The following KIAA1217 variants were observed in gnomAD, a reference collection of about 807,000 sequenced individuals.
The protein encoded by KIAA1217 is sickle tail protein homolog.
Under a neutral mutation model 163.9 loss-of-function variants are expected in KIAA1217, and 88 were observed. The observed-to-expected ratio is 0.54, with a 90% CI of 0.45 to 0.64. KIAA1217 has a LOEUF of 0.64. Among genes scored for constraint, KIAA1217 ranks in the 30% least tolerant of loss-of-function variants. KIAA1217 has a pLI of 0.00. For synonymous variants in KIAA1217, 903 were observed against 923.1 expected (o/e 0.98, Z 0.39); for missense variants, 2,372 against 2,475.0 (o/e 0.96, Z 0.88).
intron 2 of KIAA1217, among the ~76,000 whole-genome samples, chr10:24,328,666 C>T (rs1192838037): frequency 6.6e-6 from 1 of 152,036 alleles, no homozygotes; most frequent in African/African-American, 2.4e-5. Flanking sequence ...CTTTCCTCCT[C>T]TCCTTTTTAT....
chr10:24,170,506 G>C (rs1467344100), intron 2 of KIAA1217, among the ~76,000 whole-genome samples: 2 of 152,160 alleles, frequency 1.3e-5, no homozygotes, highest in Non-Finnish European at 2.9e-5. Flanking sequence ...TGCACTGTCT[G>C]AGGGGAGGCT....
At chr10:23,696,007 C>T (rs1006906875) in intron 1 of KIAA1217, among the ~76,000 whole-genome samples, 2 of 152,222 alleles carry the variant, frequency 1.3e-5, no homozygotes, top group Non-Finnish European at 2.9e-5. Flanking sequence ...GCTGCGGGTC[C>T]TCCGAGACCC....
intron 3 of KIAA1217, among the ~76,000 whole-genome samples, chr10:24,400,129 C>A (rs1278712497): frequency 6.6e-6 from 1 of 152,168 alleles, no homozygotes; most frequent in African/African-American, 2.4e-5. Flanking sequence ...ACTCTAATCA[C>A]ATCCCAGGAA....
At chr10:24,007,834 A>C (rs1013537483) in intron 2 of KIAA1217, among the ~76,000 whole-genome samples, 1 of 152,164 alleles carries the variant, frequency 6.6e-6, no homozygotes, top group East Asian at 1.9e-4. Flanking sequence ...GGGTCAGTCC[A>C]ATTATATGAT....
At chr10:24,240,037 G>A (rs1478848166) in intron 2 of KIAA1217, among the ~76,000 whole-genome samples, 1 of 152,154 alleles carries the variant, frequency 6.6e-6, no homozygotes, top group Non-Finnish European at 1.5e-5. Context: ...AGTTTTTAAA[G>A]CATGGTTTAA....
At chr10:24,276,863 C>T (rs1245529618) in intron 2 of KIAA1217, among the ~76,000 whole-genome samples, 2 of 151,964 alleles carry the variant, frequency 1.3e-5, no homozygotes, top group Non-Finnish European at 2.9e-5. Flanking sequence ...CCGCCTCAGC[C>T]TCTCAAAGTG....
chr10:23,732,783 T>G (rs1455947963), intron 1 of KIAA1217, among the ~76,000 whole-genome samples: 1 of 152,190 alleles, frequency 6.6e-6, no homozygotes, highest in Non-Finnish European at 1.5e-5. Flanking sequence ...GCTATAAAGT[T>G]TTCTCTAAGC....
At chr10:24,420,762 C>T (rs898584181) in intron 3 of KIAA1217, among the ~76,000 whole-genome samples, 1 of 152,140 alleles carries the variant, frequency 6.6e-6, no homozygotes, top group Non-Finnish European at 1.5e-5. Flanking sequence ...TTTCCCGACA[C>T]TATTTATTGA....
At chr10:24,265,951 T>C (rs2076193578) in intron 2 of KIAA1217, among the ~76,000 whole-genome samples, 1 of 152,104 alleles carries the variant, frequency 6.6e-6, no homozygotes, top group African/African-American at 2.4e-5. Context: ...TAGATTTCCC[T>C]TTAAAGGAAA....
At chr10:24,011,167 A>T (rs924530776) in intron 2 of KIAA1217, among the ~76,000 whole-genome samples, 6 of 152,116 alleles carry the variant, frequency 3.9e-5, no homozygotes, top group African/African-American at 1.4e-4. Context: ...AACCTCCAGA[A>T]CATTGGATAG....
intron 5 of KIAA1217, among the ~76,000 whole-genome samples, chr10:24,458,661 A>G: frequency 6.6e-6 from 1 of 152,198 alleles, no homozygotes; most frequent in Admixed American, 6.5e-5. Flanking sequence ...CATCTGTGAA[A>G]TGGGAATTAT....
At chr10:23,982,578 T>TCTCTCTCC (rs1845818046) in intron 1 of KIAA1217, among the ~76,000 whole-genome samples, 1 of 142,446 alleles carries the variant, frequency 7.0e-6, no homozygotes, top group Non-Finnish European at 1.5e-5. Flanking sequence ...TCTCTCTCTC[T>TCTCTCTCC]CTCGGCTGGA....
chr10:24,430,980 A>G (rs570408331), intron 3 of KIAA1217, among the ~76,000 whole-genome samples: 13 of 152,102 alleles, frequency 8.5e-5, no homozygotes, highest in Admixed American at 7.9e-4. Context: ...TCAACTCACT[A>G]TGCATTTCTA....
chr10:24,053,102 T>G (rs2131585449), intron 2 of KIAA1217, among the ~76,000 whole-genome samples: 1 of 152,320 alleles, frequency 6.6e-6, no homozygotes, highest in South Asian at 2.1e-4. Flanking sequence ...CTCCCTTTGT[T>G]TTGTAACAGG....
intron 3 of KIAA1217, among the ~76,000 whole-genome samples, chr10:24,409,069 C>T (rs117607016): frequency 0.045 from 6,861 of 152,180 alleles, 218 homozygotes; most frequent in South Asian, 0.11. Context: ...ATTGGACTTT[C>T]GAAGCACTTT....
intron 1 of KIAA1217, among the ~76,000 whole-genome samples, chr10:23,904,212 A>T (rs1842060882): frequency 6.6e-6 from 1 of 152,300 alleles, no homozygotes; most frequent in Non-Finnish European, 1.5e-5. Context: ...TTGCATATGC[A>T]TTGCCTGAAA....
chr10:24,509,569 T>C lies in KIAA1217; in HGVS notation c.2002-3690T>C, dbSNP rs933761369. Reference sequence around the variant, plus strand: ...GAAACGTTATATTGCGATTCATTCATAGAGCAAATACAGTTGCCCCTTGAA... The same window carrying C: ...GAAACGTTATATTGCGATTCATTCACAGAGCAAATACAGTTGCCCCTTGAA... On this transcript the variant is annotated intron_variant, in intron 9 of 20. Coordinates refer to ENST00000376454, the MANE Select transcript of KIAA1217 (RefSeq NM_019590.5). Among the ~76,000 whole-genome samples, 3 of 152,210 alleles carry C rather than the reference T, an allele frequency of 2.0e-5. No homozygotes were observed. The South Asian group carries it at 6.2e-4, about 32-fold the overall frequency.
chr10:23,930,615 T>A (rs1843218080), intron 1 of KIAA1217, among the ~76,000 whole-genome samples: 1 of 152,228 alleles, frequency 6.6e-6, no homozygotes, highest in Non-Finnish European at 1.5e-5. Flanking sequence ...TGCATCTTGC[T>A]TGGAAAGGGC....
chr10:23,823,304 C>G (rs1312819567), intron 1 of KIAA1217, among the ~76,000 whole-genome samples: 2 of 152,224 alleles, frequency 1.3e-5, no homozygotes, highest in African/African-American at 2.4e-5. Flanking sequence ...TGGGGACCAC[C>G]CTTGGCTCCC....
Sources: allele counts gnomAD v4.1 joint callset (sites outside exome capture counted in the v4.1 genomes callset), GRCh38; gene constraint gnomAD v4.1.1; transcripts MANE v1.5; gene names NCBI Gene and HGNC (gene_info 2026-07-23, HGNC 2026-07-21).